ZRANB1: variants seen among roughly 807,000 people sequenced by gnomAD.
ZRANB1 encodes zinc finger RANBP2-type containing 1, also known as ubiquitin thioesterase ZRANB1.
A neutral mutation model predicts 80.5 loss-of-function variants in ZRANB1; 16 were observed. The observed-to-expected ratio is 0.20, with a 90% CI of 0.13 to 0.30. ZRANB1 has a LOEUF of 0.30. Among genes scored for constraint, ZRANB1 ranks in the 10% least tolerant of loss-of-function variants. The probability of loss-of-function intolerance (pLI) is 1.00; values close to 1 mark genes in which losing one functional copy is unlikely to be tolerated. For missense variants in ZRANB1, 576 were observed against 862.6 expected, an observed-to-expected ratio of 0.67 and a Z score of 4.16; for synonymous variants, 291 against 293.1, an observed-to-expected ratio of 0.99 and a Z score of 0.07.
At position 124,983,494 on chromosome 10, in the gene ZRANB1, T is replaced by C. The variant is rs1951960715; in HGVS notation, c.1714T>C (p.Cys572Arg). 6.2e-7 allele frequency: 1 copy of C among 1,612,710 alleles called. No homozygotes were observed. The highest frequency in any genetic ancestry group is 8.5e-7 in the Non-Finnish European group (1 of 1,178,744). The stretch of plus-strand genomic sequence containing the variant: ...GCCTTTGTTGTGGGAACAGAGTTTT[T>C]GTTGGAAAAGTCCGATTGCTCTGGG... ...YLPLLWEQSFCWKSPIALGYT... is the reference protein window; with the variant it reads ...YLPLLWEQSFRWKSPIALGYT... Residue 572 changes from cysteine (C) to arginine (R), a missense_variant, in exon 8 of 9, where the codon TGT (cysteine) becomes CGT (arginine). Coordinates refer to ENST00000359653, the MANE Select transcript of ZRANB1 (RefSeq NM_017580.3). The surrounding 1 kb of genome is among the most constrained non-coding windows in gnomAD (Gnocchi z 6.2).
At chr10:124,934,025 G>A in the ZRANB1 span, among the ~76,000 whole-genome samples, 3 of 152,156 alleles carry the variant, frequency 2.0e-5, no homozygotes, top group Non-Finnish European at 2.9e-5. Flanking sequence ...TGGTTTAAAA[G>A]AAAACAAGAC....
At chr10:124,956,451 T>G (rs570281500) in intron 1 of ZRANB1, among the ~76,000 whole-genome samples, 1 of 152,242 alleles carries the variant, frequency 6.6e-6, no homozygotes, top group Non-Finnish European at 1.5e-5. Flanking sequence ...TTCCCTGTCA[T>G]TCTTTTATTT....
At chr10:124,979,769 A>G (rs1951916763) in intron 5 of ZRANB1, among the ~76,000 whole-genome samples, 1 of 152,156 alleles carries the variant, frequency 6.6e-6, no homozygotes, top group Non-Finnish European at 1.5e-5. Flanking sequence ...CCTTTAATTG[A>G]AAAAAACCCT....
chr10:124,933,908 CAGAA>C, the ZRANB1 span, among the ~76,000 whole-genome samples: 2 of 152,132 alleles, frequency 1.3e-5, no homozygotes, highest in African/African-American at 4.8e-5. Flanking sequence ...ACAAGATGAA[CAGAA>C]AGAGCATTAA....
At chr10:124,969,663 A>C (rs1951805124) in intron 2 of ZRANB1, among the ~76,000 whole-genome samples, 1 of 152,246 alleles carries the variant, frequency 6.6e-6, no homozygotes, top group Non-Finnish European at 1.5e-5. Context: ...GTATTGAAGT[A>C]ATAGCTACCA....
chr10:124,922,277 GTAAAATATATATATA>G, the ZRANB1 span, among the ~76,000 whole-genome samples: 1 of 83,270 alleles, frequency 1.2e-5, no homozygotes, highest in East Asian at 3.1e-4. Context: ...ATATATATAT[GTAAAATATATATATA>G]TATGTAAAAT....
At position 124,987,863 on chromosome 10, in the gene ZRANB1, AGGTT is replaced by A; in HGVS notation, c.*2872_*2875del. The A allele has an allele frequency of 6.6e-6, 1 of 152,348 alleles. No individual in the cohort carries two copies. Among genetic ancestry groups the A allele is most frequent in the South Asian group, 2.1e-4 (1 of 4,830 alleles). 9.4% of individuals were successfully genotyped at this position (152,348 alleles called of 1,614,324 possible). On this transcript the variant is annotated 3_prime_UTR_variant, in exon 9 of 9. Transcript: ENST00000359653. Reference sequence around the variant, plus strand: ...ACACTTGCAAATACTTTTAGTATAAAGGTTTAATTCTATTTAAAAAGAAGATCCA... The same window carrying A: ...ACACTTGCAAATACTTTTAGTATAAATAATTCTATTTAAAAAGAAGATCCA...
the ZRANB1 span, among the ~76,000 whole-genome samples, chr10:124,919,336 GT>G: frequency 6.6e-6 from 1 of 152,140 alleles, no homozygotes; most frequent in African/African-American, 2.4e-5. Flanking sequence ...CCTGAGGTCA[GT>G]AGTTCGAGAC....
intron 5 of ZRANB1, among the ~76,000 whole-genome samples, chr10:124,978,606 A>G (rs985139957): frequency 6.6e-6 from 1 of 152,060 alleles, no homozygotes; most frequent in African/African-American, 2.4e-5. Flanking sequence ...AAAAAAATCA[A>G]TATAAGTCTT....
At position 124,965,504 on chromosome 10, in the gene ZRANB1, A is replaced by T. The variant is rs1183987071; in HGVS notation, c.815-1090A>T. Among the ~76,000 whole-genome samples, 3 of 152,208 alleles carry T rather than the reference A, an allele frequency of 2.0e-5. 1 individual carries two copies. The South Asian group carries it at 6.2e-4, about 32-fold the overall frequency. On this transcript the variant is annotated intron_variant, in intron 1 of 8. Coordinates refer to ENST00000359653, the MANE Select transcript of ZRANB1 (RefSeq NM_017580.3). ...TTTTGAAGCCTTGTTATCTTTACTA[A>T]TGGTAGAAAATTGTTGCATTTTATC...
the ZRANB1 span, among the ~76,000 whole-genome samples, chr10:124,916,959 C>T: frequency 1.3e-5 from 2 of 151,970 alleles, no homozygotes; most frequent in Non-Finnish European, 2.9e-5. Context: ...CCTCCCACAC[C>T]TCAGTGCCCC....
chr10:124,983,781 CACTT>C lies in ZRANB1; in HGVS notation c.1908+95_1908+98del. The C allele has an allele frequency of 3.5e-6, 3 of 867,280 alleles. 1 individual carries two copies. The South Asian group carries it at 5.2e-5, about 15-fold the overall frequency. 53.7% of individuals were successfully genotyped at this position (867,280 alleles called of 1,614,324 possible). A position where few individuals can be genotyped will look rare whatever the true frequency, so the allele number is the denominator to read the frequency against. ...TCAGGTGTGGTTTTATCTGCACTAT[CACTT>C]AATTTCTGAATGTGATGGTAGTAAT... is the stretch of plus-strand genomic sequence containing the variant. On this transcript the variant is annotated intron_variant, in intron 8 of 8. Coordinates refer to ENST00000359653, the MANE Select transcript of ZRANB1 (RefSeq NM_017580.3). The surrounding 1 kb of genome is among the most constrained non-coding windows in gnomAD (Gnocchi z 6.2).
At chr10:124,926,569 A>G in the ZRANB1 span, among the ~76,000 whole-genome samples, 1 of 152,204 alleles carries the variant, frequency 6.6e-6, no homozygotes, top group Non-Finnish European at 1.5e-5. Context: ...ATCTGTGATA[A>G]CAATGCCTTC....
At chr10:124,970,848 T>TG (rs1242574137) in intron 2 of ZRANB1, among the ~76,000 whole-genome samples, 6 of 145,686 alleles carry the variant, frequency 4.1e-5, no homozygotes, top group Non-Finnish European at 9.0e-5. Context: ...TTTTTTTTTT[T>TG]TTTTTTTTTG....
intron 3 of ZRANB1, among the ~76,000 whole-genome samples, chr10:124,972,620 T>G (rs1490597553): frequency 1.3e-5 from 2 of 152,224 alleles, no homozygotes; most frequent in African/African-American, 2.4e-5. Flanking sequence ...TTATTTCTAC[T>G]ATGTTTGTGA....
chr10:124,986,251 G>C lies in ZRANB1; in HGVS notation c.*1259G>C, dbSNP rs1329581166. 1 of 150,100 alleles carries C rather than the reference G, an allele frequency of 6.7e-6. No homozygotes were observed. Among genetic ancestry groups the C allele is most frequent in the Non-Finnish European group, 1.5e-5 (1 of 67,572 alleles). 9.3% of individuals were successfully genotyped at this position (150,100 alleles called of 1,614,324 possible). A position where few individuals can be genotyped will look rare whatever the true frequency, so the allele number is the denominator to read the frequency against. The stretch of plus-strand genomic sequence containing the variant: ...AAGCACTTTCTAGACTATTGATGTG[G>C]CCAGGAATTTGGAAAGACGACACAC... On this transcript the variant is annotated 3_prime_UTR_variant, in exon 9 of 9. Coordinates refer to ENST00000359653, the MANE Select transcript of ZRANB1 (RefSeq NM_017580.3).
At chr10:124,934,653 G>A in the ZRANB1 span, among the ~76,000 whole-genome samples, 4 of 152,320 alleles carry the variant, frequency 2.6e-5, no homozygotes, top group Middle Eastern at 0.01. Context: ...TTGAGTTTTG[G>A]ACATGTTAAG....
rs149656097 is a variant in ZRANB1, at chr10:124,976,667, G to T, written c.1427+2269G>T. On this transcript the variant is annotated intron_variant, in intron 5 of 8. Transcript: ENST00000359653. Reference sequence around the variant, plus strand: ...GCTCACTGCAACCTCTGCCTCCCGGGTTCAAGCAATTCTCGTGCCTCAGCC... The same window carrying T: ...GCTCACTGCAACCTCTGCCTCCCGGTTTCAAGCAATTCTCGTGCCTCAGCC... Among the ~76,000 whole-genome samples, 229 of 144,872 alleles carry T rather than the reference G, an allele frequency of 1.6e-3. 5 individuals are homozygous for T. In the East Asian group the frequency reaches 0.043, roughly 27 times the overall value.
At chr10:124,972,588 A>G (rs1951836635) in intron 3 of ZRANB1, among the ~76,000 whole-genome samples, 1 of 152,178 alleles carries the variant, frequency 6.6e-6, no homozygotes, top group Non-Finnish European at 1.5e-5. Context: ...CCTCTTGAAT[A>G]TGTCATTCCT....
Sources: allele counts gnomAD v4.1 joint callset (sites outside exome capture counted in the v4.1 genomes callset), GRCh38; gene constraint gnomAD v4.1.1; non-coding constraint Gnocchi (gnomAD v3.1); transcripts MANE v1.5; gene names NCBI Gene and HGNC (gene_info 2026-07-23, HGNC 2026-07-21).